The following AKAP6 variants were observed in gnomAD, a reference collection of about 807,000 sequenced individuals.
AKAP6 encodes A-kinase anchor protein 6.
Under a neutral mutation model 188.5 loss-of-function variants are expected in AKAP6, and 58 were observed. The observed-to-expected ratio is 0.31, with a 90% confidence interval of 0.25 to 0.38. The LOEUF is 0.38. Among genes scored for constraint, AKAP6 ranks in the 10% least tolerant of loss-of-function variants. AKAP6 has a pLI of 1.00. For synonymous variants in AKAP6, 989 were observed against 998.6 expected, an observed-to-expected ratio of 0.99 and a Z score of 0.18; for missense variants, 2,710 against 2,740.0, an observed-to-expected ratio of 0.99 and a Z score of 0.24.
At chr14:32,598,898 C>T (rs1188279204) in intron 5 of AKAP6, among the ~76,000 whole-genome samples, 1 of 152,112 alleles carries the variant, frequency 6.6e-6, no homozygotes, top group Non-Finnish European at 1.5e-5. Flanking sequence ...ACATTTAACT[C>T]CTCAGTGCAA....
At chr14:32,772,452 A>G (rs2032928379) in intron 11 of AKAP6, among the ~76,000 whole-genome samples, 1 of 152,240 alleles carries the variant, frequency 6.6e-6, no homozygotes, top group Admixed American at 6.5e-5. Context: ...CACCTTATTT[A>G]AAATTCAGAA....
chr14:32,658,204 A>T (rs147993086), intron 7 of AKAP6, among the ~76,000 whole-genome samples: 1 of 152,106 alleles, frequency 6.6e-6, no homozygotes, highest in Non-Finnish European at 1.5e-5. Flanking sequence ...TATAAGGAAG[A>T]CGACAGTCTA....
chr14:32,350,272 T>G (rs1290147532), intron 1 of AKAP6, among the ~76,000 whole-genome samples: 3 of 152,338 alleles, frequency 2.0e-5, no homozygotes, highest in Admixed American at 1.3e-4. Flanking sequence ...GTGGATATTG[T>G]ATACCCCTAA....
At chr14:32,713,098 T>C (rs11622781) in intron 9 of AKAP6, among the ~76,000 whole-genome samples, 27,377 of 152,044 alleles carry the variant, frequency 0.18, 2,776 homozygotes, top group Non-Finnish European at 0.24. Context: ...AGTAGTAATC[T>C]CCTTGTACAT....
At chr14:32,523,968 ACT>A (rs1881993666) in intron 2 of AKAP6, among the ~76,000 whole-genome samples, 1 of 152,088 alleles carries the variant, frequency 6.6e-6, no homozygotes, top group Non-Finnish European at 1.5e-5. Context: ...ATTGTGGAAA[ACT>A]CTGCAGGTCT....
chr14:32,558,342 A>G (rs1883779510), intron 4 of AKAP6, among the ~76,000 whole-genome samples: 1 of 152,242 alleles, frequency 6.6e-6, no homozygotes. Context: ...AACATAATTC[A>G]AGGCTCTGTG....
rs868409002 is a variant in AKAP6 at position 32,593,061 on chromosome 14, C to G, written c.2470-6349C>G. Among the ~76,000 whole-genome samples the G allele has an allele frequency of 7.8e-3, 1,122 of 144,144 alleles. 14 individuals carry two copies. Among genetic ancestry groups the G allele is most frequent in the African/African-American group, 0.021 (810 of 39,016 alleles). 94.6% of individuals were successfully genotyped at this position (144,144 alleles called of 152,430 possible). On this transcript the variant is annotated intron_variant, in intron 5 of 13. Transcript: ENST00000280979. The stretch of plus-strand genomic sequence containing the variant: ...ACACACACACACACACACACACACA[C>G]AGCTGTGAGCTCTGTGAGGGCAGGG...
At chr14:32,780,171 TGCATGCTTATACAC>T (rs2033201495) in intron 12 of AKAP6, among the ~76,000 whole-genome samples, 2 of 146,848 alleles carry the variant, frequency 1.4e-5, no homozygotes, top group African/African-American at 2.5e-5. Flanking sequence ...TATATATATA[TGCATGCTTATACAC>T]ATATACACAC....
chr14:32,757,339 G>T (rs147427808), intron 11 of AKAP6, among the ~76,000 whole-genome samples: 1 of 152,124 alleles, frequency 6.6e-6, no homozygotes, highest in African/African-American at 2.4e-5. Context: ...CTCCTAGGAG[G>T]CTAGGTTAGA....
At chr14:32,492,355 T>TATAGAGAGAGAGAGAG in intron 2 of AKAP6, among the ~76,000 whole-genome samples, 8 of 82,608 alleles carry the variant, frequency 9.7e-5, no homozygotes, top group African/African-American at 1.7e-4. Context: ...TATATATATA[T>TATAGAGAGAGAGAGAG]AGAGAGAGAG....
At position 32,744,606 on chromosome 14, in the gene AKAP6, T is replaced by C. The variant is rs149175710; in HGVS notation, c.3372+8724T>C. Among the ~76,000 whole-genome samples the C allele has an allele frequency of 5.0e-3, 765 of 152,306 alleles. 11 individuals carry two copies. The highest frequency in any genetic ancestry group is 0.017 in the African/African-American group (709 of 41,578). The stretch of plus-strand genomic sequence containing the variant: ...TACTGGGATTACAGGCATGAGCCAC[T>C]GCACCCGGTCCTTGGTATAATATTC... On this transcript the variant is annotated intron_variant, in intron 11 of 13. Coordinates refer to ENST00000280979, the MANE Select transcript of AKAP6 (RefSeq NM_004274.5).
At chr14:32,456,339 A>G (rs1215156060) in intron 2 of AKAP6, among the ~76,000 whole-genome samples, 1 of 152,198 alleles carries the variant, frequency 6.6e-6, no homozygotes, top group Non-Finnish European at 1.5e-5. Context: ...AAAAATAGAA[A>G]TATTGTCTTT....
intron 7 of AKAP6, among the ~76,000 whole-genome samples, chr14:32,604,257 T>C (rs1462823308): frequency 6.6e-6 from 1 of 152,154 alleles, no homozygotes; most frequent in African/African-American, 2.4e-5. Flanking sequence ...GAGAGGCTTT[T>C]GTAGGTATCC....
At chr14:32,819,340 TA>T (rs1326863643) in intron 12 of AKAP6, among the ~76,000 whole-genome samples, 1 of 152,324 alleles carries the variant, frequency 6.6e-6, no homozygotes, top group East Asian at 1.9e-4. Flanking sequence ...CTTTAACTAT[TA>T]GTTTCAGGAA....
chr14:32,501,580 G>GA (rs909568669), intron 2 of AKAP6, among the ~76,000 whole-genome samples: 6 of 150,538 alleles, frequency 4.0e-5, no homozygotes, highest in African/African-American at 4.9e-5. Flanking sequence ...TGCCCAGGAG[G>GA]AAAAAAAAAT....
At chr14:32,776,891 A>G (rs11622943) in intron 12 of AKAP6, among the ~76,000 whole-genome samples, 49,676 of 152,008 alleles carry the variant, frequency 0.33, 9,225 homozygotes, top group Admixed American at 0.42. Flanking sequence ...AGTGCCAAAG[A>G]GGAAAGGGCT....
At chr14:32,343,746 C>CAAAAAAA (rs56376110) in intron 1 of AKAP6, among the ~76,000 whole-genome samples, 4 of 37,264 alleles carry the variant, frequency 1.1e-4, no homozygotes, top group Non-Finnish European at 1.4e-4. Context: ...GATTCCGTCT[C>CAAAAAAA]AAAAAAAAAA....
intron 1 of AKAP6, among the ~76,000 whole-genome samples, chr14:32,413,539 A>G (rs1889562061): frequency 6.6e-6 from 1 of 152,170 alleles, no homozygotes; most frequent in Non-Finnish European, 1.5e-5. Context: ...CCTCACAGTT[A>G]CTGAATCACA....
intron 2 of AKAP6, among the ~76,000 whole-genome samples, chr14:32,475,748 G>A (rs1431838787): frequency 2.8e-5 from 4 of 143,638 alleles, no homozygotes; most frequent in Non-Finnish European, 6.0e-5. Context: ...GCTTATCTCT[G>A]CTCACTGCAA....
Sources: allele counts gnomAD v4.1 joint callset (sites outside exome capture counted in the v4.1 genomes callset), GRCh38; gene constraint gnomAD v4.1.1; transcripts MANE v1.5; gene names NCBI Gene and HGNC (gene_info 2026-07-23, HGNC 2026-07-21).